The following ATP7B variants were observed in gnomAD, a reference collection of about 807,000 sequenced individuals.
ATP7B encodes copper-transporting ATPase 2.
A neutral mutation model predicts 118.9 loss-of-function variants in ATP7B; 113 were observed. That is an observed-to-expected ratio of 0.95 (90% CI 0.82 to 1.11). ATP7B has a LOEUF of 1.11. ATP7B is among the 50% of genes most tolerant of loss of function. The pLI is 0.00. For synonymous variants in ATP7B, 777 were observed against 727.4 expected (o/e 1.07, Z -1.10); for missense variants, 1,867 against 1,871.4 (o/e 1.00, Z 0.04).
intron 1 of ATP7B, among the ~76,000 whole-genome samples, chr13:52,008,425 T>C (rs529644837): frequency 6.6e-6 from 1 of 152,122 alleles, no homozygotes; most frequent in African/African-American, 2.4e-5. Flanking sequence ...ATTGGCACAA[T>C]CTCCAGAGGT....
At chr13:51,966,219 G>GT (rs1234623677) in intron 4 of ATP7B, among the ~76,000 whole-genome samples, 1 of 152,232 alleles carries the variant, frequency 6.6e-6, no homozygotes, top group African/African-American at 2.4e-5. Flanking sequence ...AACCTAAGAG[G>GT]TAAGTCTCAA....
chr13:51,981,025 C>T (rs1012355111), intron 1 of ATP7B, among the ~76,000 whole-genome samples: 2 of 152,130 alleles, frequency 1.3e-5, no homozygotes, highest in African/African-American at 4.8e-5. Flanking sequence ...ATGAGGATGG[C>T]ATTTTATATC....
intron 9 of ATP7B, among the ~76,000 whole-genome samples, chr13:51,955,922 A>G (rs1332224970): frequency 1.3e-5 from 2 of 152,202 alleles, no homozygotes; most frequent in African/African-American, 4.8e-5. Context: ...CTGTGCCTCC[A>G]GGGTTCCAAT....
At chr13:51,980,795 C>T (rs1474903013) in intron 1 of ATP7B, among the ~76,000 whole-genome samples, 1 of 152,218 alleles carries the variant, frequency 6.6e-6, no homozygotes, top group East Asian at 1.9e-4. Flanking sequence ...TGCTGCCTAT[C>T]CTCAAGAATT....
At chr13:51,971,261 A>G (rs1951828433) in intron 2 of ATP7B, among the ~76,000 whole-genome samples, 1 of 152,244 alleles carries the variant, frequency 6.6e-6, no homozygotes, top group South Asian at 2.1e-4. Flanking sequence ...CAGACAAACA[A>G]CAAATAATTT....
rs375595417 is a variant in ATP7B, at chr13:51,987,315, C to T, written c.52-12147G>A. 2.6e-5 allele frequency among the ~76,000 whole-genome samples: 4 copies of T among 152,134 alleles called. No individual in the cohort carries two copies. The East Asian group carries it at 5.8e-4, about 22-fold the overall frequency. ...ATGAGTGAACTCCCATTCACAATTG[C>T]TACAAAGAGAATAAAATACCCAGGA... On this transcript the variant is annotated intron_variant, in intron 1 of 20. Coordinates refer to ENST00000242839, the MANE Select transcript of ATP7B (RefSeq NM_000053.4).
intron 2 of ATP7B, among the ~76,000 whole-genome samples, chr13:51,971,130 G>A (rs1951822079): frequency 6.6e-6 from 1 of 152,220 alleles, no homozygotes; most frequent in African/African-American, 2.4e-5. Flanking sequence ...CCGCAAGGCT[G>A]TCCTCAAGGA....
chr13:51,976,152 G>C (rs1279243787), intron 1 of ATP7B, among the ~76,000 whole-genome samples: 1 of 152,130 alleles, frequency 6.6e-6, no homozygotes, highest in Non-Finnish European at 1.5e-5. Context: ...TTTTACACCA[G>C]AACTTCCATG....
intron 12 of ATP7B, among the ~76,000 whole-genome samples, chr13:51,948,605 G>T (rs1957806064): frequency 6.6e-6 from 1 of 152,178 alleles, no homozygotes; most frequent in Non-Finnish European, 1.5e-5. Flanking sequence ...ACTCTTTGTT[G>T]TAGGGCCTGT....
chr13:51,949,697 A>C lies in ATP7B; in HGVS notation c.2830T>G (p.Phe944Val). 6.2e-7 allele frequency: 1 copy of C among 1,614,088 alleles called. No homozygotes were observed. ...LTLVVWIVIG[F>V]IDFGVVQRYF... Reference sequence around the variant, plus strand: ...CTCTGAACAACACCAAAATCGATAAAACCGATTACAATCCATACCACCAAC... The same window carrying C: ...CTCTGAACAACACCAAAATCGATAACACCGATTACAATCCATACCACCAAC... Residue 944 changes from phenylalanine to valine, a missense_variant, in exon 12 of 21, where the codon TTT becomes GTT. Transcript: ENST00000242839.
At chr13:51,977,939 A>C (rs1044680700) in intron 1 of ATP7B, among the ~76,000 whole-genome samples, 16 of 152,266 alleles carry the variant, frequency 1.1e-4, no homozygotes, top group Non-Finnish European at 2.2e-4. Flanking sequence ...CAGACAAATG[A>C]CTAGCCACCT....
At chr13:52,009,748 A>G (rs1768574326) in intron 1 of ATP7B, among the ~76,000 whole-genome samples, 2 of 152,166 alleles carry the variant, frequency 1.3e-5, no homozygotes, top group Admixed American at 1.3e-4. Flanking sequence ...ACTAGGATGT[A>G]AATTCATGAG....
chr13:51,936,455 G>T (rs1325256337), intron 19 of ATP7B, among the ~76,000 whole-genome samples: 1 of 151,890 alleles, frequency 6.6e-6, no homozygotes, highest in African/African-American at 2.4e-5. Flanking sequence ...GCAGGGAGCA[G>T]GGGGCGGGGG....
chr13:51,966,030 TAGGAGCTTATCTGTTGGC>T (rs1951530283), intron 4 of ATP7B, among the ~76,000 whole-genome samples: 1 of 152,060 alleles, frequency 6.6e-6, no homozygotes, highest in Admixed American at 6.5e-5. Flanking sequence ...CAGGAAAACT[TAGGAGCTTATCTGTTGGC>T]AGGTGACTGC....
At chr13:51,947,532 T>A (rs1295869120) in intron 12 of ATP7B, among the ~76,000 whole-genome samples, 1 of 152,194 alleles carries the variant, frequency 6.6e-6, no homozygotes, top group East Asian at 1.9e-4. Context: ...TTGTCTAAGG[T>A]AAGGCTATGG....
At chr13:51,982,555 T>C (rs1340432081) in intron 1 of ATP7B, among the ~76,000 whole-genome samples, 1 of 152,016 alleles carries the variant, frequency 6.6e-6, no homozygotes. Flanking sequence ...GCGGGAGTAA[T>C]AATAATGGCC....
chr13:51,975,512 C>G (rs368390207), intron 1 of ATP7B: 2 of 531,276 alleles, frequency 3.8e-6, no homozygotes, highest in South Asian at 2.8e-5. Flanking sequence ...GAGGGCACAG[C>G]GGCTCACGGT....
chr13:51,976,407 G>C lies in ATP7B; in HGVS notation c.52-1239C>G, dbSNP rs1384401474. On this transcript the variant is annotated intron_variant, in intron 1 of 20. Transcript: ENST00000242839. ...AATGTTGATTTCTATATCCACAAAG[G>C]TTTGGGATTAATAATTACATAGAAT... 3.3e-5 allele frequency among the ~76,000 whole-genome samples: 5 copies of C among 152,190 alleles called. No individual in the cohort carries two copies. In the South Asian group the frequency reaches 1.0e-3, roughly 31 times the overall value.
chr13:51,978,207 G>T (rs1331344102), intron 1 of ATP7B, among the ~76,000 whole-genome samples: 1 of 151,760 alleles, frequency 6.6e-6, no homozygotes, highest in Non-Finnish European at 1.5e-5. Flanking sequence ...AAAAAACTGG[G>T]GGAAAAAAGA....
Sources: allele counts gnomAD v4.1 joint callset (sites outside exome capture counted in the v4.1 genomes callset), GRCh38; gene constraint gnomAD v4.1.1; transcripts MANE v1.5; gene names NCBI Gene and HGNC (gene_info 2026-07-23, HGNC 2026-07-21).